DCAF12: variants seen among roughly 807,000 people sequenced by gnomAD.
DCAF12 encodes DDB1 and CUL4 associated factor 12, also known as DDB1- and CUL4-associated factor 12.
A neutral mutation model predicts 52.8 loss-of-function variants in DCAF12; 28 were observed. The ratio of observed to expected loss-of-function variants is 0.53; its 90% confidence interval spans 0.39 to 0.73. DCAF12 has a LOEUF of 0.73. Ranked by LOEUF, DCAF12 falls within the 30% of genes least tolerant of loss-of-function variation. The pLI, the probability that DCAF12 is intolerant of heterozygous loss-of-function variation, is 0.00. For missense variants in DCAF12, 425 were observed against 552.2 expected, an observed-to-expected ratio of 0.77 and a Z score of 2.31; for synonymous variants, 196 against 215.5, an observed-to-expected ratio of 0.91 and a Z score of 0.79.
At chr9:34,109,737 G>A in intron 2 of DCAF12, 1 of 270,310 alleles carries the variant, frequency 3.7e-6, no homozygotes, top group Middle Eastern at 1.4e-3. Context: ...CCATTGAGCT[G>A]GCCCTGGAAG....
At chr9:34,101,384 A>ATTAT (rs370031210) in intron 4 of DCAF12, among the ~76,000 whole-genome samples, 1 of 136,462 alleles carries the variant, frequency 7.3e-6, no homozygotes, top group Admixed American at 7.4e-5. Context: ...TAATTCCTTT[A>ATTAT]TTATTTATTT....
intron 2 of DCAF12, chr9:34,109,974 A>G (rs1828972167): frequency 6.4e-6 from 1 of 155,646 alleles, no homozygotes; most frequent in African/African-American, 2.4e-5. Flanking sequence ...CACTGGATAC[A>G]TATATAAATA....
chr9:34,105,841 C>A (rs373326668), intron 4 of DCAF12, among the ~76,000 whole-genome samples: 2 of 149,348 alleles, frequency 1.3e-5, no homozygotes, highest in South Asian at 2.2e-4. Context: ...CTCTGCCTGC[C>A]GGGTTCAAGC....
intron 6 of DCAF12, chr9:34,095,917 G>A (rs1286140418): frequency 6.6e-6 from 1 of 152,092 alleles, no homozygotes; most frequent in Admixed American, 6.6e-5. Context: ...GCTAGTCAAA[G>A]GAGCCTCTCA....
chr9:34,105,693 A>C (rs2131434022), intron 4 of DCAF12, among the ~76,000 whole-genome samples: 1 of 152,206 alleles, frequency 6.6e-6, no homozygotes, highest in Admixed American at 6.5e-5. Flanking sequence ...ATCTCTGGAT[A>C]GAGATCTTGT....
chr9:34,111,564 A>AC (rs1396258459), intron 2 of DCAF12, among the ~76,000 whole-genome samples: 3 of 152,230 alleles, frequency 2.0e-5, no homozygotes, highest in Non-Finnish European at 4.4e-5. Context: ...TTAAGCATTT[A>AC]CAACAGTCAC....
intron 2 of DCAF12, among the ~76,000 whole-genome samples, chr9:34,115,638 T>C (rs959338493): frequency 2.6e-5 from 4 of 151,126 alleles, no homozygotes; most frequent in Admixed American, 2.6e-4. Flanking sequence ...CAGGACCCTA[T>C]AGTCTCTGCA....
chr9:34,089,277 C>G, intron 8 of DCAF12, 135 bp downstream of exon 8: 1 of 1,049,040 alleles, frequency 9.5e-7, no homozygotes, highest in South Asian at 1.9e-5. Flanking sequence ...CGGGGGAAGT[C>G]TTTTCCTGTT....
At chr9:34,093,644 A>T (rs2131426502) in intron 6 of DCAF12, 196 bp from the exon 7 acceptor site, 2 of 561,030 alleles carry the variant, frequency 3.6e-6, no homozygotes, top group East Asian at 6.1e-5. Context: ...AAACGGTAAG[A>T]CCTAGATACT....
At chr9:34,106,985 T>G (rs1348239561) in intron 3 of DCAF12, among the ~76,000 whole-genome samples, 2 of 152,222 alleles carry the variant, frequency 1.3e-5, no homozygotes, top group Non-Finnish European at 1.5e-5. Flanking sequence ...GTTTATGTTT[T>G]GTCTATATGT....
At chr9:34,112,497 G>A (rs759598824) in intron 2 of DCAF12, among the ~76,000 whole-genome samples, 4 of 151,902 alleles carry the variant, frequency 2.6e-5, no homozygotes, top group Non-Finnish European at 5.9e-5. Flanking sequence ...GGGAGGCTGA[G>A]GCAGGAGAAT....
At chr9:34,110,924 ATTATT>A (rs1286856013) in intron 2 of DCAF12, among the ~76,000 whole-genome samples, 2 of 151,916 alleles carry the variant, frequency 1.3e-5, no homozygotes, top group African/African-American at 4.8e-5. Context: ...ATGAAATATA[ATTATT>A]TTGTTTCATG....
At position 34,088,393 on chromosome 9, in the gene DCAF12, A is replaced by AG; in HGVS notation, c.1318dup (p.Leu440ProfsTer58). 1 of 1,612,860 alleles carries AG rather than the reference A, an allele frequency of 6.2e-7. No individual in the cohort carries two copies. The highest frequency in any genetic ancestry group is 8.5e-7 in the Non-Finnish European group (1 of 1,179,302). ...ATAGTTTCCATGGAGCCCTGAAGGG[A>AG]GGGGACCTCCTGCCACAAAGAGTTT... On this transcript the variant is annotated frameshift_variant, in exon 9 of 9. Transcript: ENST00000361264. LOFTEE classifies it high-confidence loss of function.
At chr9:34,107,956 C>T (rs1012260207) in intron 2 of DCAF12, among the ~76,000 whole-genome samples, 2 of 152,188 alleles carry the variant, frequency 1.3e-5, no homozygotes, top group African/African-American at 2.4e-5. Flanking sequence ...AACTTTTAAA[C>T]GAAACACAAT....
At chr9:34,089,725 A>T in intron 7 of DCAF12, 135 bp from the exon 8 acceptor site, 2 of 804,796 alleles carry the variant, frequency 2.5e-6, no homozygotes, top group Non-Finnish European at 1.8e-6. Context: ...AGTATCAGAC[A>T]GTGTTTTCCC....
intron 4 of DCAF12, among the ~76,000 whole-genome samples, chr9:34,102,576 C>A (rs140196001): frequency 6.6e-6 from 1 of 151,890 alleles, no homozygotes; most frequent in Non-Finnish European, 1.5e-5. Context: ...TTGCTTGAAC[C>A]CAGGAGACGG....
chr9:34,112,641 G>A (rs1829022399), intron 2 of DCAF12, among the ~76,000 whole-genome samples: 1 of 152,014 alleles, frequency 6.6e-6, no homozygotes, highest in Non-Finnish European at 1.5e-5. Context: ...GCTCACACCT[G>A]TAATCCCAGT....
intron 2 of DCAF12, chr9:34,110,004 T>C (rs1468389786): frequency 6.7e-6 from 1 of 148,432 alleles, no homozygotes; most frequent in East Asian, 1.9e-4. Context: ...TATATAATTA[T>C]ATATGTATAT....
intron 2 of DCAF12, among the ~76,000 whole-genome samples, chr9:34,119,934 T>C (rs934045553): frequency 3.3e-5 from 5 of 152,074 alleles, no homozygotes; most frequent in African/African-American, 9.6e-5. Flanking sequence ...CTTGAATCTC[T>C]GGGCTCAAGT....
Sources: gnomAD v4.1 joint callset for allele counts (sites outside exome capture counted in the v4.1 genomes callset) on GRCh38, gnomAD v4.1.1 for gene constraint, MANE v1.5 for transcripts, NCBI Gene and HGNC (gene_info 2026-07-23, HGNC 2026-07-21) for gene names.